The following LRFN5 variants were observed in gnomAD, a reference collection of about 807,000 sequenced individuals.
LRFN5 encodes leucine rich repeat and fibronectin type III domain containing 5.
In LRFN5, 24 loss-of-function variants were observed where a neutral mutation model predicts 45.6. The observed-to-expected ratio is 0.53, with a 90% CI of 0.38 to 0.74. The LOEUF (loss-of-function observed/expected upper bound fraction) is 0.74, where lower values mean the gene tolerates loss of function less well. Among genes scored for constraint, LRFN5 ranks in the 30% least tolerant of loss-of-function variants. The probability of loss-of-function intolerance (pLI) is 0.00; values close to 1 mark genes in which losing one functional copy is unlikely to be tolerated. For synonymous variants in LRFN5, 340 were observed against 313.8 expected (o/e 1.08, Z -0.88); for missense variants, 776 against 861.5 (o/e 0.90, Z 1.24).
intron 2 of LRFN5, among the ~76,000 whole-genome samples, chr14:41,813,985 C>A (rs1357402651): frequency 6.6e-6 from 1 of 152,094 alleles, no homozygotes; most frequent in African/African-American, 2.4e-5. Flanking sequence ...TGTTCATATC[C>A]TTTGCCCGCT....
chr14:41,675,440 A>G (rs900852057), intron 1 of LRFN5, among the ~76,000 whole-genome samples: 9 of 152,198 alleles, frequency 5.9e-5, no homozygotes, highest in African/African-American at 2.2e-4. Flanking sequence ...GTCTCCACCA[A>G]AAAATTACGA....
At chr14:41,660,328 A>G (rs1274633512) in intron 1 of LRFN5, among the ~76,000 whole-genome samples, 3 of 152,064 alleles carry the variant, frequency 2.0e-5, no homozygotes, top group Admixed American at 1.3e-4. Context: ...ACCCAGCCAT[A>G]TGACTAACTC....
chr14:41,735,808 A>G (rs757090538), intron 1 of LRFN5, among the ~76,000 whole-genome samples: 1 of 151,160 alleles, frequency 6.6e-6, no homozygotes, highest in African/African-American at 2.4e-5. Context: ...CCCTGTGTCC[A>G]TGTGTTCTCA....
chr14:41,892,295 ATATATATACACATATATAAC>A (rs1890812617), intron 4 of LRFN5: 1 of 960,944 alleles, frequency 1.0e-6, no homozygotes, highest in African/African-American at 1.8e-5. Context: ...GGTACAGTAT[ATATATATACACATATATAAC>A]TATATATATG....
At position 41,904,193 on chromosome 14, in the gene LRFN5, C is replaced by T. The variant is rs1891185003; in HGVS notation, c.*18C>T. ...TAATCTGAAGAGCACCACTTCTCCTCTCTCTCCTGAAAAAATTTGCCACTG... is the reference window on the plus strand; with the variant it reads ...TAATCTGAAGAGCACCACTTCTCCTTTCTCTCCTGAAAAAATTTGCCACTG... On this transcript the variant is annotated 3_prime_UTR_variant, in exon 6 of 6. Transcript: ENST00000298119. The T allele has an allele frequency of 2.5e-6, 4 of 1,609,156 alleles. No individual in the cohort carries two copies. In the South Asian group the frequency reaches 3.3e-5, roughly 13 times the overall value.
At chr14:41,737,959 A>G (rs1463442711) in intron 1 of LRFN5, among the ~76,000 whole-genome samples, 5 of 152,226 alleles carry the variant, frequency 3.3e-5, no homozygotes, top group African/African-American at 1.2e-4. Context: ...ATTCCCATCA[A>G]GCTACCATTG....
chr14:41,706,449 A>C (rs1883072298), intron 1 of LRFN5, among the ~76,000 whole-genome samples: 1 of 151,870 alleles, frequency 6.6e-6, no homozygotes, highest in African/African-American at 2.4e-5. Flanking sequence ...AAAATTTTTT[A>C]TTTTTTATTT....
chr14:41,672,045 T>G (rs1881262695), intron 1 of LRFN5, among the ~76,000 whole-genome samples: 1 of 152,216 alleles, frequency 6.6e-6, no homozygotes, highest in African/African-American at 2.4e-5. Context: ...AGCCAGAAGT[T>G]TAATCTATAT....
intron 2 of LRFN5, among the ~76,000 whole-genome samples, chr14:41,793,863 C>T (rs1887023609): frequency 6.6e-6 from 1 of 152,060 alleles, no homozygotes; most frequent in Admixed American, 6.6e-5. Flanking sequence ...GGTTCATCCA[C>T]TTGTATGTCC....
rs191588144 is a variant in LRFN5 at position 41,836,251 on chromosome 14, G to T, written c.-20-50355G>T. On this transcript the variant is annotated intron_variant, in intron 2 of 5. Transcript: ENST00000298119. ...GAACATGAATATCTCTGGAAAAATG[G>T]GCAAGTATTCTTTGACAAAGTTTTC... Among the ~76,000 whole-genome samples, 254 of 152,192 alleles carry T rather than the reference G, an allele frequency of 1.7e-3. 5 individuals are homozygous for T. The highest frequency in any genetic ancestry group is 0.016 in the Admixed American group (252 of 15,282).
intron 2 of LRFN5, among the ~76,000 whole-genome samples, chr14:41,883,759 C>T (rs1890469049): frequency 6.6e-6 from 1 of 152,092 alleles, no homozygotes; most frequent in Admixed American, 6.6e-5. Context: ...CTTTGGTTAG[C>T]TGCAATTTGA....
intron 2 of LRFN5, among the ~76,000 whole-genome samples, chr14:41,885,075 A>T (rs1890517188): frequency 6.6e-6 from 1 of 151,586 alleles, no homozygotes; most frequent in Non-Finnish European, 1.5e-5. Context: ...TGAGTAAGGT[A>T]GCTCATGCCT....
intron 1 of LRFN5, among the ~76,000 whole-genome samples, chr14:41,722,033 TTC>T (rs1393598274): frequency 2.6e-5 from 4 of 152,164 alleles, no homozygotes; most frequent in Non-Finnish European, 5.9e-5. Flanking sequence ...CTTTACATAA[TTC>T]TATATTTTTT....
chr14:41,826,443 C>T (rs776787491), intron 2 of LRFN5, among the ~76,000 whole-genome samples: 1 of 152,102 alleles, frequency 6.6e-6, no homozygotes, highest in Non-Finnish European at 1.5e-5. Context: ...CATTAATACT[C>T]TGTCTTCATT....
chr14:41,613,959 A>AT (rs1887846839), intron 1 of LRFN5, among the ~76,000 whole-genome samples: 1 of 151,934 alleles, frequency 6.6e-6, no homozygotes, highest in Admixed American at 6.6e-5. Flanking sequence ...TTTTCCATGG[A>AT]TTTTAGTGGT....
intron 2 of LRFN5, among the ~76,000 whole-genome samples, chr14:41,829,578 C>CT (rs1034667088): frequency 1.3e-5 from 2 of 151,302 alleles, no homozygotes; most frequent in Non-Finnish European, 3.0e-5. Flanking sequence ...TGATTTTTAT[C>CT]TTTTTTTTCT....
chr14:41,872,816 A>C (rs1242590796), intron 2 of LRFN5, among the ~76,000 whole-genome samples: 1 of 152,232 alleles, frequency 6.6e-6, no homozygotes, highest in East Asian at 1.9e-4. Flanking sequence ...TCTTCTAAAG[A>C]AGGGACAAGT....
At chr14:41,831,805 A>G (rs1888491408) in intron 2 of LRFN5, among the ~76,000 whole-genome samples, 1 of 152,082 alleles carries the variant, frequency 6.6e-6, no homozygotes, top group Admixed American at 6.6e-5. Context: ...TGCCTCATGA[A>G]ATACCAAAGA....
intron 1 of LRFN5, among the ~76,000 whole-genome samples, chr14:41,750,964 C>A (rs1010517647): frequency 6.6e-6 from 1 of 152,072 alleles, no homozygotes; most frequent in African/African-American, 2.4e-5. Context: ...TAATGCTATC[C>A]CTCCCTCAGC....
Sources: gnomAD v4.1 joint callset for allele counts (sites outside exome capture counted in the v4.1 genomes callset) on GRCh38, gnomAD v4.1.1 for gene constraint, MANE v1.5 for transcripts, NCBI Gene and HGNC (gene_info 2026-07-23, HGNC 2026-07-21) for gene names.